The following DISC1 variants were observed in gnomAD, a reference collection of about 807,000 sequenced individuals.
DISC1 encodes DISC1 scaffold protein, also known as disrupted in schizophrenia 1 protein.
In DISC1, 57 loss-of-function variants were observed where a neutral mutation model predicts 84.5. The observed-to-expected ratio is 0.67, with a 90% confidence interval of 0.55 to 0.84. The LOEUF is 0.84. DISC1 is among the 40% of genes least tolerant of loss of function. The pLI, the probability that DISC1 is intolerant of heterozygous loss-of-function variation, is 0.00. For synonymous variants in DISC1, 411 were observed against 415.2 expected (o/e 0.99, Z 0.12); for missense variants, 1,000 against 1,057.8 (o/e 0.95, Z 0.76).
chr1:231,997,656 G>A (rs1015582806), intron 10 of DISC1, among the ~76,000 whole-genome samples: 34 of 152,160 alleles, frequency 2.2e-4, no homozygotes, highest in African/African-American at 7.9e-4. Flanking sequence ...AGATGGCCAG[G>A]ATTTCAGCAT....
intron 9 of DISC1, among the ~76,000 whole-genome samples, chr1:231,830,669 G>T (rs2082156027): frequency 6.6e-6 from 1 of 152,170 alleles, no homozygotes; most frequent in African/African-American, 2.4e-5. Context: ...TTGGGGCACA[G>T]TCCAAGTTGG....
chr1:231,704,978 C>T (rs1053338764), intron 3 of DISC1, among the ~76,000 whole-genome samples: 1 of 151,770 alleles, frequency 6.6e-6, no homozygotes, highest in African/African-American at 2.4e-5. Flanking sequence ...GTATGCAGTC[C>T]AGGAGGGGAA....
At position 231,694,801 on chromosome 1, in the gene DISC1, T is replaced by C. The variant is rs754929291; in HGVS notation, c.1043T>C (p.Met348Thr). 6.2e-6 allele frequency: 10 copies of C among 1,613,480 alleles called. No homozygotes were observed. The South Asian group carries it at 9.9e-5, about 16-fold the overall frequency. The change falls in exon 2 of 13, where the codon ATG becomes ACG. Residue 348 changes from methionine (M) to threonine (T), a missense_variant. By Grantham distance (81) the Met-to-Thr change is moderately conservative (BLOSUM62 -1). Coordinates refer to ENST00000439617, the MANE Select transcript of DISC1 (RefSeq NM_018662.3). ...TGCCTGCTGAGAAACCGGAGGCAGATGGAGGTCAGTGTCTCTTCCACCTCT... is the reference window on the plus strand; with the variant it reads ...TGCCTGCTGAGAAACCGGAGGCAGACGGAGGTCAGTGTCTCTTCCACCTCT... ...RDCLLRNRRQ[M>T]EVISLRLKLQ...
intron 6 of DISC1, among the ~76,000 whole-genome samples, chr1:231,785,238 TGTGTGTGTGTG>T (rs1326389814): frequency 6.9e-6 from 1 of 145,134 alleles, no homozygotes; most frequent in Non-Finnish European, 1.5e-5. Flanking sequence ...TGTGTGTGTG[TGTGTGTGTGTG>T]TGTGTTATTT....
intron 9 of DISC1, among the ~76,000 whole-genome samples, chr1:231,878,483 G>A (rs2086053328): frequency 6.6e-6 from 1 of 152,164 alleles, no homozygotes; most frequent in Non-Finnish European, 1.5e-5. Flanking sequence ...AGACCAGTGA[G>A]GTCAGCAGAG....
At chr1:231,709,753 G>A (rs2067566070) in intron 3 of DISC1, among the ~76,000 whole-genome samples, 1 of 152,068 alleles carries the variant, frequency 6.6e-6, no homozygotes, top group African/African-American at 2.4e-5. Context: ...CCTACTAGCT[G>A]AGCTGTAGCA....
chr1:232,026,762 CTTTTTTTTT>C (rs545455868), intron 12 of DISC1, among the ~76,000 whole-genome samples: 2 of 110,874 alleles, frequency 1.8e-5, no homozygotes, highest in Non-Finnish European at 3.6e-5. Flanking sequence ...TTTCTTTTTT[CTTTTTTTTT>C]TTTTTTTTTT....
At chr1:231,916,611 C>T (rs1165221068) in intron 9 of DISC1, among the ~76,000 whole-genome samples, 2 of 147,596 alleles carry the variant, frequency 1.4e-5, no homozygotes, top group African/African-American at 5.0e-5. Flanking sequence ...GCCGAGATCC[C>T]GCCACTGCAC....
At chr1:231,727,382 C>T (rs759279561) in intron 3 of DISC1, among the ~76,000 whole-genome samples, 4 of 152,084 alleles carry the variant, frequency 2.6e-5, no homozygotes, top group Non-Finnish European at 5.9e-5. Context: ...ATGCCTGGGG[C>T]CCTAAAGGGA....
intron 9 of DISC1, among the ~76,000 whole-genome samples, chr1:231,832,222 T>A (rs1228716898): frequency 6.6e-6 from 1 of 152,028 alleles, no homozygotes; most frequent in African/African-American, 2.4e-5. Flanking sequence ...TTATGAGAAC[T>A]GTAGAGAGTG....
At chr1:231,795,021 G>A (rs1399065927) in intron 6 of DISC1, among the ~76,000 whole-genome samples, 1 of 152,136 alleles carries the variant, frequency 6.6e-6, no homozygotes, top group African/African-American at 2.4e-5. Context: ...TGATAAAATT[G>A]TAATACTAGC....
chr1:231,645,420 A>G (rs1268013583), intron 1 of DISC1, among the ~76,000 whole-genome samples: 2 of 151,968 alleles, frequency 1.3e-5, no homozygotes, highest in African/African-American at 4.8e-5. Flanking sequence ...CTCGCCTCCC[A>G]AATGATAATA....
Position 231,795,789 on chromosome 1 carries a change from T to G in DISC1, c.1689+493T>G, listed in dbSNP as rs548590017. ...CTGTAATCCCAGCTACTCAGGAGGCTGAGGTAGGAGAATTGCTTTAACCCA... is the reference window on the plus strand; with the variant it reads ...CTGTAATCCCAGCTACTCAGGAGGCGGAGGTAGGAGAATTGCTTTAACCCA... On this transcript the variant is annotated intron_variant, in intron 7 of 12. Transcript: ENST00000439617. Among the ~76,000 whole-genome samples, 13 of 152,154 alleles carry G rather than the reference T, an allele frequency of 8.5e-5. No individual in the cohort carries two copies. The South Asian group carries it at 1.7e-3, about 19-fold the overall frequency.
intron 11 of DISC1, among the ~76,000 whole-genome samples, chr1:232,018,496 G>GT (rs932326975): frequency 2.6e-5 from 4 of 152,278 alleles, no homozygotes; most frequent in South Asian, 4.1e-4. Context: ...ATAGAAAAAT[G>GT]TTTTTTGAAA....
chr1:231,888,454 T>C (rs2086934045), intron 9 of DISC1, among the ~76,000 whole-genome samples: 2 of 151,804 alleles, frequency 1.3e-5, no homozygotes, highest in Non-Finnish European at 2.9e-5. Flanking sequence ...TAGAAGAGTG[T>C]CCACCCCAGG....
At chr1:232,033,057 T>C (rs1365680058) in intron 12 of DISC1, among the ~76,000 whole-genome samples, 1 of 152,198 alleles carries the variant, frequency 6.6e-6, no homozygotes, top group African/African-American at 2.4e-5. Context: ...ATATCTGTTT[T>C]CTACTCAGCA....
chr1:231,878,879 C>T (rs1268660930), intron 9 of DISC1, among the ~76,000 whole-genome samples: 2 of 152,126 alleles, frequency 1.3e-5, no homozygotes, highest in African/African-American at 4.8e-5. Flanking sequence ...GGGAGTCATA[C>T]CATATTTATT....
At chr1:231,778,267 A>T (rs1387437477) in intron 6 of DISC1, among the ~76,000 whole-genome samples, 1 of 152,242 alleles carries the variant, frequency 6.6e-6, no homozygotes, top group Non-Finnish European at 1.5e-5. Context: ...GCCCCGCCCC[A>T]GGGCTAGAGG....
intron 10 of DISC1, among the ~76,000 whole-genome samples, chr1:232,005,525 T>G (rs569396425): frequency 5.0e-4 from 76 of 152,198 alleles, no homozygotes; most frequent in Non-Finnish European, 7.1e-4. Flanking sequence ...GTATGTGTTT[T>G]CTTTGATCTT....
Sources: allele counts gnomAD v4.1 joint callset (sites outside exome capture counted in the v4.1 genomes callset), GRCh38; gene constraint gnomAD v4.1.1; transcripts MANE v1.5; gene names NCBI Gene and HGNC (gene_info 2026-07-23, HGNC 2026-07-21).